CLCN3: variants seen among roughly 807,000 people sequenced by gnomAD.
The protein encoded by CLCN3 is Cl-/H+ antiporter 3, also known as H(+)/Cl(-) exchange transporter 3.
In CLCN3, 16 loss-of-function variants were observed where a neutral mutation model predicts 83.4. That is an observed-to-expected ratio of 0.19 (90% confidence interval 0.13 to 0.29). The LOEUF (loss-of-function observed/expected upper bound fraction) is 0.29, where lower values mean the gene tolerates loss of function less well. CLCN3 is among the 10% of genes least tolerant of loss of function. CLCN3 has a pLI of 1.00. For missense variants in CLCN3, 544 were observed against 1,006.0 expected (o/e 0.54, Z 6.21); for synonymous variants, 322 against 346.2 (o/e 0.93, Z 0.78).
intron 2 of CLCN3, among the ~76,000 whole-genome samples, chr4:169,652,341 A>G (rs1254903386): frequency 1.3e-5 from 2 of 152,218 alleles, no homozygotes. Flanking sequence ...AAAGAAGTAT[A>G]TAATTTAGGA....
At chr4:169,622,058 T>C (rs1404195074) in intron 1 of CLCN3, among the ~76,000 whole-genome samples, 3 of 152,236 alleles carry the variant, frequency 2.0e-5, no homozygotes, top group African/African-American at 7.2e-5. Flanking sequence ...AGACAGCCAC[T>C]GTTGGCAGAA....
chr4:169,694,390 C>G (rs1732488908), intron 7 of CLCN3, among the ~76,000 whole-genome samples: 1 of 152,186 alleles, frequency 6.6e-6, no homozygotes, highest in Non-Finnish European at 1.5e-5. Context: ...GCCATGATTT[C>G]AACACAGCAG....
At chr4:169,692,808 T>C (rs1290799658) in intron 7 of CLCN3, among the ~76,000 whole-genome samples, 1 of 152,202 alleles carries the variant, frequency 6.6e-6, no homozygotes, top group African/African-American at 2.4e-5. Flanking sequence ...GAAGTTTAAA[T>C]CAGAAATTCA....
chr4:169,639,274 C>A (rs184080855), intron 2 of CLCN3, among the ~76,000 whole-genome samples: 9 of 152,310 alleles, frequency 5.9e-5, no homozygotes, highest in African/African-American at 2.2e-4. Context: ...TCGAACGATC[C>A]TCTTGCCTTG....
At chr4:169,655,546 G>A (rs184541507) in intron 2 of CLCN3, among the ~76,000 whole-genome samples, 1 of 152,310 alleles carries the variant, frequency 6.6e-6, no homozygotes, top group African/African-American at 2.4e-5. Context: ...CCAGGCCAAA[G>A]TGCAGTAGTG....
chr4:169,691,184 T>G (rs1468102629), intron 6 of CLCN3, among the ~76,000 whole-genome samples: 1 of 151,686 alleles, frequency 6.6e-6, no homozygotes, highest in Non-Finnish European at 1.5e-5. Context: ...TTTTTTTGTT[T>G]GTTTTTTTTT....
In CLCN3 at chr4:169,719,904, C is replaced by T; in HGVS notation, c.2367-3C>T. On this transcript the variant is annotated splice_region_variant and splice_polypyrimidine_tract_variant and intron_variant, in intron 12 of 12. Transcript: ENST00000513761. The stretch of plus-strand genomic sequence containing the variant: ...ATAGGAGTCTTCTGTTTATTCCTTT[C>T]AGGCGCCTCCTTGGCATTATAACAA... 6.2e-7 allele frequency: 1 copy of T among 1,605,166 alleles called. No individual in the cohort carries two copies. The highest frequency in any genetic ancestry group is 8.5e-7 in the Non-Finnish European group (1 of 1,177,384).
chr4:169,650,475 G>A (rs1187607921), intron 2 of CLCN3, among the ~76,000 whole-genome samples: 1 of 152,166 alleles, frequency 6.6e-6, no homozygotes, highest in Non-Finnish European at 1.5e-5. Context: ...GTATTCTAAT[G>A]AGTAAGACAT....
chr4:169,688,666 G>A (rs572814897), intron 4 of CLCN3, among the ~76,000 whole-genome samples: 95 of 152,076 alleles, frequency 6.2e-4, no homozygotes, highest in Non-Finnish European at 1.1e-3. Flanking sequence ...ATTTCTAATG[G>A]ACATTAAATT....
intron 9 of CLCN3, among the ~76,000 whole-genome samples, chr4:169,698,440 C>G (rs1275391602): frequency 6.6e-6 from 1 of 152,112 alleles, no homozygotes; most frequent in Non-Finnish European, 1.5e-5. Flanking sequence ...TCCTCTCTCT[C>G]TGTGGTTTTC....
Position 169,628,773 on chromosome 4 carries a change from A to G in CLCN3, c.-16-7140A>G, listed in dbSNP as rs572250121. 1.4e-3 allele frequency among the ~76,000 whole-genome samples: 206 copies of G among 152,372 alleles called. 2 individuals carry two copies. Among genetic ancestry groups the G allele is most frequent in the African/African-American group, 4.8e-3 (200 of 41,588 alleles). On this transcript the variant is annotated intron_variant, in intron 1 of 12. Coordinates refer to ENST00000513761, the MANE Select transcript of CLCN3 (RefSeq NM_001829.4). Reference sequence around the variant, plus strand: ...TAAAAAACAAATATGTGACTACTGTATGACCCAACTATTGTACTCTGACAT... The same window carrying G: ...TAAAAAACAAATATGTGACTACTGTGTGACCCAACTATTGTACTCTGACAT...
chr4:169,677,241 T>A (rs1477426749), intron 2 of CLCN3, among the ~76,000 whole-genome samples: 1 of 152,118 alleles, frequency 6.6e-6, no homozygotes, highest in East Asian at 1.9e-4. Flanking sequence ...ATGTAAAAAA[T>A]TCTTAATAGA....
At chr4:169,629,293 AT>A (rs1463810860) in intron 1 of CLCN3, among the ~76,000 whole-genome samples, 1 of 152,082 alleles carries the variant, frequency 6.6e-6, no homozygotes, top group Non-Finnish European at 1.5e-5. Context: ...TTTCTGTATT[AT>A]TTATTGTAAC....
chr4:169,722,796 T>C lies in CLCN3; in HGVS notation c.*2799T>C, dbSNP rs1733680892. On this transcript the variant is annotated 3_prime_UTR_variant, in exon 13 of 13. Coordinates refer to ENST00000513761, the MANE Select transcript of CLCN3 (RefSeq NM_001829.4). ...GTATTTTTAATGCATTTAGTGGTTT[T>C]CTTTGGTGTTATCTGTTCCATTTTT... 1 of 152,248 alleles carries C rather than the reference T, an allele frequency of 6.6e-6. No individual in the cohort carries two copies. 9.4% of individuals were successfully genotyped at this position (152,248 alleles called of 1,614,324 possible). A position where few individuals can be genotyped will look rare whatever the true frequency, so the allele number is the denominator to read the frequency against.
chr4:169,687,581 A>G (rs1732211452), intron 3 of CLCN3, 77 bp from the exon 4 acceptor site: 1 of 939,452 alleles, frequency 1.1e-6, no homozygotes, highest in Non-Finnish European at 1.6e-6. Context: ...ATGGTAAATG[A>G]GAAAAATTGC....
chr4:169,703,584 G>A (rs1483432239), intron 9 of CLCN3, among the ~76,000 whole-genome samples: 1 of 151,822 alleles, frequency 6.6e-6, no homozygotes, highest in African/African-American at 2.4e-5. Context: ...TGGTTACGTG[G>A]ATGAATTCTA....
chr4:169,646,412 C>G (rs1169172829), intron 2 of CLCN3, among the ~76,000 whole-genome samples: 1 of 152,112 alleles, frequency 6.6e-6, no homozygotes, highest in African/African-American at 2.4e-5. Context: ...CCTCAGCCTT[C>G]CGAGTAGCTG....
At position 169,719,203 on chromosome 4, in the gene CLCN3, C is replaced by T. The variant is rs888159641; in HGVS notation, c.2367-704C>T. 4.6e-5 allele frequency among the ~76,000 whole-genome samples: 7 copies of T among 152,320 alleles called. No homozygotes were observed. The East Asian group carries it at 5.8e-4, about 13-fold the overall frequency. On this transcript the variant is annotated intron_variant, in intron 12 of 12. Coordinates refer to ENST00000513761, the MANE Select transcript of CLCN3 (RefSeq NM_001829.4). ...GAAAGTGGCTGGGTGCAGTGGCTCA[C>T]GCCTGTAATCCCCAGCACTTTGGGA...
intron 9 of CLCN3, among the ~76,000 whole-genome samples, chr4:169,701,201 C>T (rs76489845): frequency 2.2e-3 from 334 of 152,300 alleles, no homozygotes; most frequent in Non-Finnish European, 3.9e-3. Context: ...ACATCTTTAC[C>T]AGGACTGGAT....
Sources: gnomAD v4.1 joint callset for allele counts (sites outside exome capture counted in the v4.1 genomes callset) on GRCh38, gnomAD v4.1.1 for gene constraint, MANE v1.5 for transcripts, NCBI Gene and HGNC (gene_info 2026-07-23, HGNC 2026-07-21) for gene names.